The following CSMD1 variants were observed in gnomAD, a reference collection of about 807,000 sequenced individuals.
CSMD1 encodes the protein CUB and sushi domain-containing protein 1.
A neutral mutation model predicts 417.5 loss-of-function variants in CSMD1; 213 were observed. That is an observed-to-expected ratio of 0.51 (90% CI 0.46 to 0.57). CSMD1 has a LOEUF of 0.57. CSMD1 is among the 20% of genes least tolerant of loss of function. The pLI, the probability that CSMD1 is intolerant of heterozygous loss-of-function variation, is 0.00. For synonymous variants in CSMD1, 2,862 were observed against 1,736.8 expected (o/e 1.65, Z -16.11); for missense variants, 6,923 against 4,529.7 (o/e 1.53, Z -15.17).
At chr8:3,786,177 T>A (rs1008772642) in intron 5 of CSMD1, among the ~76,000 whole-genome samples, 4 of 152,110 alleles carry the variant, frequency 2.6e-5, no homozygotes, top group African/African-American at 7.2e-5. Context: ...TGGGGCCAGA[T>A]TGGGACATGA....
At chr8:4,730,791 A>G (rs1809799601) in intron 1 of CSMD1, among the ~76,000 whole-genome samples, 1 of 152,080 alleles carries the variant, frequency 6.6e-6, no homozygotes, top group African/African-American at 2.4e-5. Context: ...AAATGAATAG[A>G]GACGGAGAAG....
chr8:4,472,055 T>C (rs1800564775), intron 2 of CSMD1, among the ~76,000 whole-genome samples: 1 of 152,220 alleles, frequency 6.6e-6, no homozygotes. Context: ...TCAGATTTAA[T>C]GCTTAGCTGG....
intron 5 of CSMD1, among the ~76,000 whole-genome samples, chr8:3,774,002 C>G (rs1798762585): frequency 6.6e-6 from 1 of 152,170 alleles, no homozygotes; most frequent in South Asian, 2.1e-4. Context: ...AATTCTTTTA[C>G]TTACACAGTT....
chr8:4,236,851 T>C (rs112550396), intron 3 of CSMD1, among the ~76,000 whole-genome samples: 70 of 152,254 alleles, frequency 4.6e-4, no homozygotes, highest in Middle Eastern at 3.4e-3. Flanking sequence ...CTGAACAAAA[T>C]GGAACAGAAG....
intron 3 of CSMD1, among the ~76,000 whole-genome samples, chr8:4,168,265 G>A (rs1007765681): frequency 1.3e-5 from 2 of 151,368 alleles, no homozygotes; most frequent in South Asian, 2.1e-4. Flanking sequence ...ATGGTAGGAT[G>A]CACCTGTACT....
chr8:3,559,060 G>C (rs949782807), intron 10 of CSMD1, among the ~76,000 whole-genome samples: 1 of 152,206 alleles, frequency 6.6e-6, no homozygotes, highest in Non-Finnish European at 1.5e-5. Flanking sequence ...CCATGGAGAA[G>C]TGTTGAAGGA....
At chr8:3,442,078 A>C (rs1049280328) in intron 12 of CSMD1, among the ~76,000 whole-genome samples, 3 of 152,048 alleles carry the variant, frequency 2.0e-5, no homozygotes, top group African/African-American at 7.2e-5. Flanking sequence ...AAAAGTAAAA[A>C]AAAAAATACA....
intron 5 of CSMD1, among the ~76,000 whole-genome samples, chr8:3,996,281 G>A (rs1815206135): frequency 6.6e-6 from 1 of 152,072 alleles, no homozygotes; most frequent in Non-Finnish European, 1.5e-5. Flanking sequence ...TTAACTTTAA[G>A]CATATAACTT....
At chr8:2,973,096 T>G (rs183674287) in intron 57 of CSMD1, 21 bp downstream of exon 57, 2 of 1,609,780 alleles carry the variant, frequency 1.2e-6, no homozygotes, top group Admixed American at 1.7e-5. Context: ...AAGGTGGACC[T>G]TAAGGCTTCT....
intron 3 of CSMD1, among the ~76,000 whole-genome samples, chr8:4,146,997 C>G (rs1237639415): frequency 1.3e-5 from 2 of 151,928 alleles, no homozygotes; most frequent in African/African-American, 2.4e-5. Flanking sequence ...CACTTCCTGT[C>G]CATCCACTCA....
chr8:4,395,709 T>C (rs777315118), intron 3 of CSMD1, among the ~76,000 whole-genome samples: 1 of 151,974 alleles, frequency 6.6e-6, no homozygotes, highest in Non-Finnish European at 1.5e-5. Flanking sequence ...TGATGAAGAG[T>C]CTTTGTAAAA....
chr8:3,731,109 C>T (rs1796226691), intron 6 of CSMD1, among the ~76,000 whole-genome samples: 2 of 152,186 alleles, frequency 1.3e-5, no homozygotes, highest in Non-Finnish European at 2.9e-5. Context: ...TTGTCGAGCA[C>T]ACCCCAGAAC....
intron 3 of CSMD1, among the ~76,000 whole-genome samples, chr8:4,051,524 C>T (rs1243142502): frequency 6.6e-6 from 1 of 152,126 alleles, no homozygotes; most frequent in Non-Finnish European, 1.5e-5. Context: ...GCACAAAATG[C>T]AACTTCGAAT....
chr8:4,486,176 CAT>C lies in CSMD1; in HGVS notation c.303-66113_303-66112del, dbSNP rs1464300159. 3.5e-3 allele frequency among the ~76,000 whole-genome samples: 36 copies of C among 10,360 alleles called. No individual in the cohort carries two copies. The South Asian group carries it at 0.051, about 15-fold the overall frequency. The allele number at this position is 10,360 out of a possible 152,430, so 6.8% of individuals were successfully genotyped here. On this transcript the variant is annotated intron_variant, in intron 2 of 69. Coordinates refer to ENST00000635120, the MANE Select transcript of CSMD1 (RefSeq NM_033225.6). ...ATATATACATACATATATATATATACATACATATATATATATATATATACATA... is the reference window on the plus strand; with the variant it reads ...ATATATACATACATATATATATATACACATATATATATATATATATACATA...
At chr8:4,015,592 C>G (rs1316211390) in intron 4 of CSMD1, among the ~76,000 whole-genome samples, 1 of 150,450 alleles carries the variant, frequency 6.6e-6, no homozygotes, top group African/African-American at 2.5e-5. Flanking sequence ...GGCATCTTGG[C>G]CCAATGACTA....
Position 3,091,659 on chromosome 8 carries a change from G to T in CSMD1, c.7142C>A (p.Ser2381Tyr). 6.2e-7 allele frequency: 1 copy of T among 1,606,386 alleles called. No homozygotes were observed. The highest frequency in any genetic ancestry group is 8.5e-7 in the Non-Finnish European group (1 of 1,178,280). The change falls in exon 48 of 70, where the codon TCT becomes TAT. Residue 2381 changes from serine (S) to tyrosine (Y), a missense_variant. By Grantham distance (144) the Ser-to-Tyr change is moderately radical. Transcript: ENST00000635120. ...QFDALEVFDG[S>Y]SGQSPLLVVL... is the part of the protein sequence containing the mutation. The stretch of plus-strand genomic sequence containing the variant: ...TACTAGCAGAGGACTTTGCCCAGAA[G>T]AACCTAAGTGAAACAGAAAAACAAA...
At chr8:4,125,212 C>G (rs1349277746) in intron 3 of CSMD1, among the ~76,000 whole-genome samples, 1 of 152,144 alleles carries the variant, frequency 6.6e-6, no homozygotes, top group Non-Finnish European at 1.5e-5. Flanking sequence ...AGGGAAAGGT[C>G]GAGCTGGGAA....
At chr8:4,909,563 G>C (rs1360781828) in intron 1 of CSMD1, among the ~76,000 whole-genome samples, 1 of 152,038 alleles carries the variant, frequency 6.6e-6, no homozygotes, top group Non-Finnish European at 1.5e-5. Flanking sequence ...ATTTTTCCTT[G>C]ACCTGCCAGA....
intron 3 of CSMD1, among the ~76,000 whole-genome samples, chr8:4,322,893 G>T (rs556884456): frequency 1.3e-5 from 2 of 152,306 alleles, no homozygotes; most frequent in East Asian, 3.9e-4. Flanking sequence ...GCTGAGGCAG[G>T]AGAATCGCTT....
Sources: gnomAD v4.1 joint callset for allele counts (sites outside exome capture counted in the v4.1 genomes callset) on GRCh38, gnomAD v4.1.1 for gene constraint, MANE v1.5 for transcripts, NCBI Gene and HGNC (gene_info 2026-07-23, HGNC 2026-07-21) for gene names.